Variants in PRUNE2 observed in about 807,000 individuals in gnomAD.
The protein encoded by PRUNE2 is protein prune homolog 2.
A neutral mutation model predicts 252.0 loss-of-function variants in PRUNE2; 164 were observed. The observed-to-expected ratio is 0.65, with a 90% CI of 0.57 to 0.74. The LOEUF is 0.74. Ranked by LOEUF, PRUNE2 falls within the 30% of genes least tolerant of loss-of-function variation. The pLI is 0.00. For missense variants in PRUNE2, 3,495 were observed against 3,711.0 expected, an observed-to-expected ratio of 0.94 and a Z score of 1.51; for synonymous variants, 1,292 against 1,350.2, an observed-to-expected ratio of 0.96 and a Z score of 0.94.
At chr9:76,745,295 C>G (rs1411689923) in intron 6 of PRUNE2, among the ~76,000 whole-genome samples, 1 of 152,154 alleles carries the variant, frequency 6.6e-6, no homozygotes, top group Non-Finnish European at 1.5e-5. Flanking sequence ...GAAAGGCTAC[C>G]AGGCTAGGAT....
intron 6 of PRUNE2, chr9:76,809,063 C>T (rs1425999807): frequency 6.6e-6 from 1 of 152,244 alleles, no homozygotes; most frequent in East Asian, 1.9e-4. Context: ...CTTCTACCAC[C>T]CCCTCCTTCA....
At position 76,624,553 on chromosome 9, in the gene PRUNE2, C is replaced by A. The variant is rs372231980; in HGVS notation, c.9150-63G>T. 5.8e-6 allele frequency: 7 copies of A among 1,205,376 alleles called. No homozygotes were observed. In the East Asian group the frequency reaches 8.4e-5, roughly 14 times the overall value. The allele number at this position is 1,205,376 out of a possible 1,614,324, so 74.7% of individuals were successfully genotyped here. A position where few individuals can be genotyped will look rare whatever the true frequency, so the allele number is the denominator to read the frequency against. On this transcript the variant is annotated intron_variant, in intron 16 of 18. Coordinates refer to ENST00000376718, the MANE Select transcript of PRUNE2 (RefSeq NM_015225.3). ...AAAGAGAAGCAAGCACAGCATGAGACAGTCACTCAGCAAAGCAGGGCCAAA... is the reference window on the plus strand; with the variant it reads ...AAAGAGAAGCAAGCACAGCATGAGAAAGTCACTCAGCAAAGCAGGGCCAAA...
chr9:76,809,091 G>A (rs62568061), intron 6 of PRUNE2, among the ~76,000 whole-genome samples: 1,715 of 151,974 alleles, frequency 0.011, 23 homozygotes, highest in Middle Eastern at 0.044. Flanking sequence ...CCTCATTTAC[G>A]TGGCCAACTT....
At chr9:76,619,907 G>C (rs2131975117) in intron 17 of PRUNE2, among the ~76,000 whole-genome samples, 1 of 152,320 alleles carries the variant, frequency 6.6e-6, no homozygotes, top group Middle Eastern at 3.4e-3. Flanking sequence ...GCTGAGCTGT[G>C]TCCAGGTGAT....
In PRUNE2 at chr9:76,708,343, G is replaced by A. The variant is rs751983092; in HGVS notation, c.3931C>T (p.Pro1311Ser). 6.2e-7 allele frequency: 1 copy of A among 1,613,726 alleles called. No homozygotes were observed. The highest frequency in any genetic ancestry group is 8.5e-7 in the Non-Finnish European group (1 of 1,179,872). The change falls in exon 8 of 19, where the codon CCA (proline) becomes TCA (serine). Residue 1311 changes from proline to serine, a missense_variant. Physicochemically the swap from Pro to Ser is moderately conservative, Grantham distance 74 (BLOSUM62 -1). Coordinates refer to ENST00000376718, the MANE Select transcript of PRUNE2 (RefSeq NM_015225.3). Reference sequence around the variant, plus strand: ...TGACCTTTCCATGGATCTGGGTGTGGAAAATACCCTGGATTCTCAAGCCTA... The same window carrying A: ...TGACCTTTCCATGGATCTGGGTGTGAAAAATACCCTGGATTCTCAAGCCTA... ...ATRLENPGYF[P>S]HPDPWKGHGD... is the part of the protein sequence containing the mutation.
intron 6 of PRUNE2, among the ~76,000 whole-genome samples, chr9:76,741,700 T>A (rs983662625): frequency 6.6e-6 from 1 of 152,196 alleles, no homozygotes; most frequent in Non-Finnish European, 1.5e-5. Context: ...TAGCTCCCCC[T>A]ACCTTGGTGT....
intron 3 of PRUNE2, among the ~76,000 whole-genome samples, chr9:76,849,769 T>C (rs2059855733): frequency 1.3e-5 from 2 of 152,078 alleles, no homozygotes; most frequent in Admixed American, 6.6e-5. Context: ...GAGGCTGCAG[T>C]GAGCCGAGAT....
intron 6 of PRUNE2, among the ~76,000 whole-genome samples, chr9:76,789,436 C>T (rs1489744393): frequency 6.6e-6 from 1 of 152,246 alleles, no homozygotes; most frequent in Non-Finnish European, 1.5e-5. Flanking sequence ...GGTCTTCTCA[C>T]TGTATCCAGG....
rs1564112543 is a variant in PRUNE2 at position 76,709,036 on chromosome 9, CG to C, written c.3237del (p.Tyr1079Ter). On this transcript the variant is annotated frameshift_variant, in exon 8 of 19. Coordinates refer to ENST00000376718, the MANE Select transcript of PRUNE2 (RefSeq NM_015225.3). LOFTEE classifies it high-confidence loss of function. ...TACAGTTGCATCATGCTGGGGTCGT[CG>C]TAACTGGACTGGCTGCTTTCCCCGA... is the stretch of plus-strand genomic sequence containing the variant. ...DDVGESSQSS[Y>X]DDPSMMQLYN... The C allele has an allele frequency of 6.2e-7, 1 of 1,613,936 alleles. No homozygotes were observed. Among genetic ancestry groups the C allele is most frequent in the Non-Finnish European group, 8.5e-7 (1 of 1,179,896 alleles).
intron 4 of PRUNE2, among the ~76,000 whole-genome samples, chr9:76,842,651 AC>A (rs1303709595): frequency 6.6e-6 from 1 of 152,106 alleles, no homozygotes; most frequent in African/African-American, 2.4e-5. Flanking sequence ...AAAACAAACA[AC>A]CCCAACAAAA....
intron 1 of PRUNE2, chr9:76,863,011 AATG>A (rs1282210860): frequency 6.6e-6 from 1 of 152,232 alleles, no homozygotes; most frequent in African/African-American, 2.4e-5. Context: ...TGAATGAGTG[AATG>A]ATGATAACAT....
intron 6 of PRUNE2, among the ~76,000 whole-genome samples, chr9:76,776,947 A>ACACAC (rs1564280253): frequency 3.7e-5 from 4 of 108,426 alleles, no homozygotes; most frequent in Non-Finnish European, 8.4e-5. Context: ...CACACACACA[A>ACACAC]AGGGCCTGGA....
At chr9:76,743,052 G>A (rs1405759961) in intron 6 of PRUNE2, among the ~76,000 whole-genome samples, 1 of 152,132 alleles carries the variant, frequency 6.6e-6, no homozygotes, top group Non-Finnish European at 1.5e-5. Flanking sequence ...GAGATCTGAT[G>A]GTTTTATAAG....
rs560024633 is a variant in PRUNE2, at chr9:76,695,163, G to A, written c.8276+8174C>T. ...CAATTCTCCTGCCTCAGCCTCCCAAGTAGCTGGGATTACAGGTGTGTGCCA... is the reference window on the plus strand; with the variant it reads ...CAATTCTCCTGCCTCAGCCTCCCAAATAGCTGGGATTACAGGTGTGTGCCA... On this transcript the variant is annotated intron_variant, in intron 9 of 18. Transcript: ENST00000376718. Among the ~76,000 whole-genome samples the A allele has an allele frequency of 2.2e-4, 33 of 152,224 alleles. 2 individuals carry two copies. The South Asian group carries it at 6.9e-3, about 32-fold the overall frequency.
chr9:76,655,875 T>G (rs1365818567), intron 9 of PRUNE2, among the ~76,000 whole-genome samples: 1 of 152,200 alleles, frequency 6.6e-6, no homozygotes, highest in Non-Finnish European at 1.5e-5. Context: ...TCTCTTACTC[T>G]GTAAATTTGA....
At chr9:76,689,538 T>C (rs571833013) in intron 9 of PRUNE2, among the ~76,000 whole-genome samples, 70 of 151,784 alleles carry the variant, frequency 4.6e-4, no homozygotes, top group Non-Finnish European at 9.1e-4. Flanking sequence ...AAATTTTCTA[T>C]AGAGACAGGG....
At chr9:76,788,279 AG>A (rs1281145578) in intron 6 of PRUNE2, 1 of 576,240 alleles carries the variant, frequency 1.7e-6, no homozygotes, top group African/African-American at 1.9e-5. Context: ...CTCACCAAAC[AG>A]ATATATTCTA....
At chr9:76,804,310 T>C (rs1189527974) in intron 6 of PRUNE2, among the ~76,000 whole-genome samples, 2 of 152,230 alleles carry the variant, frequency 1.3e-5, no homozygotes, top group African/African-American at 2.4e-5. Flanking sequence ...GGTTGACCGA[T>C]TGATGCCCCC....
chr9:76,816,295 C>A (rs187664775), intron 6 of PRUNE2, among the ~76,000 whole-genome samples: 2 of 152,186 alleles, frequency 1.3e-5, no homozygotes, highest in Admixed American at 1.3e-4. Context: ...TCAGCTTCAG[C>A]CACTTAGTAC....
Sources: gnomAD v4.1 joint callset for allele counts (sites outside exome capture counted in the v4.1 genomes callset) on GRCh38, gnomAD v4.1.1 for gene constraint, MANE v1.5 for transcripts, NCBI Gene and HGNC (gene_info 2026-07-23, HGNC 2026-07-21) for gene names.